Variants in CACNA1C observed in about 807,000 individuals in gnomAD.
CACNA1C encodes the protein voltage-dependent L-type calcium channel subunit alpha-1C.
In CACNA1C, 30 loss-of-function variants were observed where a neutral mutation model predicts 229.0. The ratio of observed to expected loss-of-function variants is 0.13; its 90% CI spans 0.10 to 0.18. The LOEUF (loss-of-function observed/expected upper bound fraction) is 0.18, where lower values mean the gene tolerates loss of function less well. Among genes scored for constraint, CACNA1C ranks in the 10% least tolerant of loss-of-function variants. The pLI, the probability that CACNA1C is intolerant of heterozygous loss-of-function variation, is 1.00. For synonymous variants in CACNA1C, 1,114 were observed against 1,132.5 expected (o/e 0.98, Z 0.33); for missense variants, 1,658 against 2,845.0 (o/e 0.58, Z 9.49).
Position 2,181,949 on chromosome 12 carries a change from G to A in CACNA1C, c.477+61519G>A, listed in dbSNP as rs745347910. 2.6e-5 allele frequency among the ~76,000 whole-genome samples: 4 copies of A among 151,886 alleles called. No homozygotes were observed. The highest frequency in any genetic ancestry group is 4.8e-5 in the African/African-American group (2 of 41,346). Reference sequence around the variant, plus strand: ...GGATTACTCATTAATGTAGAACTCCGACCAGTGGGTGGAGGGTATGGGTTC... The same window carrying A: ...GGATTACTCATTAATGTAGAACTCCAACCAGTGGGTGGAGGGTATGGGTTC... On this transcript the variant is annotated intron_variant, in intron 3 of 46. Coordinates refer to ENST00000399655, the MANE Select transcript of CACNA1C (RefSeq NM_000719.7). The surrounding 1 kb of genome is among the most constrained non-coding windows in gnomAD (Gnocchi z 4.0).
In CACNA1C at chr12:2,651,589, C is replaced by A; in HGVS notation, c.3946-51C>A. ...TTTCTCGGAGGGGCCCTCCTGTTCTCACCCCCCTCTTGCTGTGCTAACTGC... is the reference window on the plus strand; with the variant it reads ...TTTCTCGGAGGGGCCCTCCTGTTCTAACCCCCCTCTTGCTGTGCTAACTGC... On this transcript the variant is annotated intron_variant, in intron 31 of 46. Coordinates refer to ENST00000399655, the MANE Select transcript of CACNA1C (RefSeq NM_000719.7). This position sits in a 1 kb window ranked among gnomAD's most constrained non-coding sequence, Gnocchi z 5.4. 1 of 1,613,710 alleles carries A rather than the reference C, an allele frequency of 6.2e-7. No individual in the cohort carries two copies. The highest frequency in any genetic ancestry group is 8.5e-7 in the Non-Finnish European group (1 of 1,179,716).
At chr12:2,404,984 G>A (rs1308735689) in intron 3 of CACNA1C, among the ~76,000 whole-genome samples, 1 of 152,150 alleles carries the variant, frequency 6.6e-6, no homozygotes, top group Non-Finnish European at 1.5e-5. Context: ...AACTGCACAA[G>A]GAACTTATTC....
chr12:2,655,501 G>C (rs1288754418), intron 34 of CACNA1C, among the ~76,000 whole-genome samples: 1 of 152,218 alleles, frequency 6.6e-6, no homozygotes, highest in Non-Finnish European at 1.5e-5. Context: ...GCTAAAAGCA[G>C]CCTGGCTTGG....
chr12:2,193,167 C>T (rs545089697), intron 3 of CACNA1C, among the ~76,000 whole-genome samples: 3 of 152,336 alleles, frequency 2.0e-5, no homozygotes, highest in East Asian at 1.9e-4. Flanking sequence ...AAACTTGTCA[C>T]GTCAAGGCCG....
intron 1 of CACNA1C, chr12:2,004,090 T>A: frequency 2.7e-6 from 2 of 743,146 alleles, no homozygotes; most frequent in East Asian, 2.8e-5. Context: ...TCCAGGTAGC[T>A]CCACAGATCC....
rs572052467 is a variant in CACNA1C, at chr12:2,158,668, C to A, written c.477+38238C>A. Among the ~76,000 whole-genome samples, 43 of 152,208 alleles carry A rather than the reference C, an allele frequency of 2.8e-4. No homozygotes were observed. The East Asian group carries it at 7.1e-3, about 25-fold the overall frequency. On this transcript the variant is annotated intron_variant, in intron 3 of 46. Coordinates refer to ENST00000399655, the MANE Select transcript of CACNA1C (RefSeq NM_000719.7). ...CTGAAGAAAAATGATTTCCAGTTGACAATTTTATATCTGATCAAACTATCA... is the reference window on the plus strand; with the variant it reads ...CTGAAGAAAAATGATTTCCAGTTGAAAATTTTATATCTGATCAAACTATCA...
intron 3 of CACNA1C, among the ~76,000 whole-genome samples, chr12:2,446,693 G>A (rs2099292654): frequency 6.6e-6 from 1 of 150,436 alleles, no homozygotes; most frequent in Admixed American, 6.6e-5. Context: ...GGGTGAATGG[G>A]TGGATAGATG....
At chr12:2,642,854 G>A (rs911442250) in intron 30 of CACNA1C, among the ~76,000 whole-genome samples, 1 of 152,242 alleles carries the variant, frequency 6.6e-6, no homozygotes, top group Non-Finnish European at 1.5e-5. Flanking sequence ...GAAACTCCCA[G>A]GCAATTCTGT....
chr12:2,272,216 A>G (rs2085366796), intron 3 of CACNA1C, among the ~76,000 whole-genome samples: 2 of 152,112 alleles, frequency 1.3e-5, no homozygotes, highest in Non-Finnish European at 2.9e-5. Flanking sequence ...CCTCTGCTTC[A>G]CCAGGAAAAT....
chr12:2,495,482 T>C (rs2099744828), intron 7 of CACNA1C, among the ~76,000 whole-genome samples: 1 of 152,208 alleles, frequency 6.6e-6, no homozygotes. Flanking sequence ...TTTGCTGATG[T>C]ATTTTTGTGT....
intron 29 of CACNA1C, among the ~76,000 whole-genome samples, chr12:2,625,742 G>T (rs1043983919): frequency 4.0e-5 from 6 of 150,438 alleles, no homozygotes; most frequent in Non-Finnish European, 8.8e-5. Flanking sequence ...TTTGAGCCCA[G>T]GAGTTCAAGA....
chr12:2,128,192 G>C (rs2090897890), intron 3 of CACNA1C, among the ~76,000 whole-genome samples: 1 of 152,134 alleles, frequency 6.6e-6, no homozygotes, highest in Non-Finnish European at 1.5e-5. Context: ...GGCTGTAGTT[G>C]GAACTTAGGA....
Position 2,108,946 on chromosome 12 carries a change from G to T in CACNA1C, c.50-6278G>T, listed in dbSNP as rs2080405774. On this transcript the variant is annotated intron_variant, in intron 1 of 46. Transcript: ENST00000399655. This position sits in a 1 kb window ranked among gnomAD's most constrained non-coding sequence, Gnocchi z 5.3. ...AGATGACAGACAGCAAGAGCCAAGT[G>T]GGCTTCTGGGTGACATGTTGGCCTG... Among the ~76,000 whole-genome samples the T allele has an allele frequency of 6.6e-6, 1 of 152,214 alleles. No individual in the cohort carries two copies. The highest frequency in any genetic ancestry group is 1.5e-5 in the Non-Finnish European group (1 of 68,040).
chr12:2,506,987 C>T (rs2099773262), intron 8 of CACNA1C, among the ~76,000 whole-genome samples: 1 of 152,194 alleles, frequency 6.6e-6, no homozygotes, highest in Admixed American at 6.5e-5. Context: ...GAAGAAGCCA[C>T]TTTGAAGGCC....
At position 2,224,062 on chromosome 12, in the gene CACNA1C, A is replaced by G. The variant is rs557860104; in HGVS notation, c.477+103632A>G. On this transcript the variant is annotated intron_variant, in intron 3 of 46. Coordinates refer to ENST00000399655, the MANE Select transcript of CACNA1C (RefSeq NM_000719.7). ...GATGTATCATTTGAGATGGGTCTTA[A>G]AGACCTGTAAACACTCTGACAGGTA... 2.6e-5 allele frequency among the ~76,000 whole-genome samples: 4 copies of G among 152,300 alleles called. No homozygotes were observed. In the South Asian group the frequency reaches 8.3e-4, roughly 32 times the overall value.
chr12:2,457,476 T>C, intron 4 of CACNA1C, 91 bp from the exon 5 acceptor site: 1 of 1,421,202 alleles, frequency 7.0e-7, no homozygotes, highest in Admixed American at 2.2e-5. Flanking sequence ...CTGCGCAATC[T>C]GCTTTTCCGG....
intron 3 of CACNA1C, among the ~76,000 whole-genome samples, chr12:2,137,894 T>G (rs1335617811): frequency 6.6e-6 from 1 of 151,358 alleles, no homozygotes; most frequent in South Asian, 2.1e-4. Context: ...GCCAGGCCAG[T>G]GGACCCTGTC....
chr12:2,401,468 G>A (rs1314691355), intron 3 of CACNA1C, among the ~76,000 whole-genome samples: 1 of 152,192 alleles, frequency 6.6e-6, no homozygotes, highest in African/African-American at 2.4e-5. Flanking sequence ...CAGCAGGTAG[G>A]ACAGGTCTCC....
At chr12:2,292,890 G>C (rs1227454900) in intron 3 of CACNA1C, among the ~76,000 whole-genome samples, 1 of 151,876 alleles carries the variant, frequency 6.6e-6, no homozygotes, top group African/African-American at 2.4e-5. Flanking sequence ...TGCATGCCTG[G>C]TTAAAGGGGC....
Sources: allele counts gnomAD v4.1 joint callset (sites outside exome capture counted in the v4.1 genomes callset), GRCh38; gene constraint gnomAD v4.1.1; non-coding constraint Gnocchi (gnomAD v3.1); transcripts MANE v1.5; gene names NCBI Gene and HGNC (gene_info 2026-07-23, HGNC 2026-07-21).